Variants in COL22A1 observed in about 807,000 individuals in gnomAD.
COL22A1 encodes the protein collagen type XXII alpha 1 chain, also known as collagen alpha-1(XXII) chain.
A neutral mutation model predicts 248.9 loss-of-function variants in COL22A1; 221 were observed. The ratio of observed to expected loss-of-function variants is 0.89; its 90% CI spans 0.80 to 0.99. The LOEUF is 0.99. COL22A1 is among the 50% of genes least tolerant of loss of function. The pLI is 0.00. For missense variants in COL22A1, 2,240 were observed against 2,179.0 expected, an observed-to-expected ratio of 1.03 and a Z score of -0.56; for synonymous variants, 891 against 793.4, an observed-to-expected ratio of 1.12 and a Z score of -2.07.
At chr8:138,864,795 TA>T (rs1822737062) in intron 3 of COL22A1, among the ~76,000 whole-genome samples, 1 of 152,102 alleles carries the variant, frequency 6.6e-6, no homozygotes, top group South Asian at 2.1e-4. Context: ...CCTTCTCAGC[TA>T]GGGGGTTTCA....
chr8:138,621,615 C>T (rs774778657), intron 52 of COL22A1, among the ~76,000 whole-genome samples: 1 of 152,186 alleles, frequency 6.6e-6, no homozygotes, highest in Non-Finnish European at 1.5e-5. Context: ...CCGGGGTCAG[C>T]CTGCAGGAGT....
intron 16 of COL22A1, 48 bp downstream of exon 16, chr8:138,775,918 C>T: frequency 6.3e-7 from 1 of 1,588,810 alleles, no homozygotes; most frequent in Non-Finnish European, 8.6e-7. Context: ...CACCCTCTCC[C>T]TTTTCTATGG....
intron 1 of COL22A1, among the ~76,000 whole-genome samples, chr8:138,910,785 G>T (rs1181666406): frequency 6.6e-6 from 1 of 152,128 alleles, no homozygotes; most frequent in Non-Finnish European, 1.5e-5. Context: ...TTTGAATCCT[G>T]CTTCCTCTTT....
At chr8:138,709,866 C>T (rs1828805699) in intron 30 of COL22A1, among the ~76,000 whole-genome samples, 1 of 152,134 alleles carries the variant, frequency 6.6e-6, no homozygotes, top group African/African-American at 2.4e-5. Context: ...GCAATCATAA[C>T]TAATGTTGAT....
chr8:138,684,449 T>C lies in COL22A1; in HGVS notation c.2988A>G (p.Gly996=), dbSNP rs1587854485. Residue 996 remains glycine, a synonymous_variant, in exon 39 of 65, where the codon GGA becomes GGG. Transcript: ENST00000303045. ...DGEPGLRGSP[G]LPGPLGTKAA... is the part of the protein sequence containing the mutation. The stretch of plus-strand genomic sequence containing the variant: ...CCTTGGTTCCTAGGGGTCCAGGGAG[T>C]CCAGGTGATCCACGGAGTCCCTGGA... 1 of 1,611,020 alleles carries C rather than the reference T, an allele frequency of 6.2e-7. No individual in the cohort carries two copies. Among genetic ancestry groups the C allele is most frequent in the Non-Finnish European group, 8.5e-7 (1 of 1,177,716 alleles).
intron 7 of COL22A1, among the ~76,000 whole-genome samples, chr8:138,815,245 C>G (rs11166848): frequency 0.76 from 115,173 of 152,068 alleles, 44,318 homozygotes; most frequent in Middle Eastern, 0.87. Flanking sequence ...ATACATTGCA[C>G]AGACAGCTAA....
intron 1 of COL22A1, among the ~76,000 whole-genome samples, chr8:138,891,189 A>G (rs1326606599): frequency 1.3e-5 from 2 of 152,252 alleles, no homozygotes; most frequent in Non-Finnish European, 2.9e-5. Flanking sequence ...ACTAGTGACA[A>G]AAGTTAAAGA....
At chr8:138,793,372 G>C (rs1379461881) in intron 12 of COL22A1, among the ~76,000 whole-genome samples, 1 of 152,150 alleles carries the variant, frequency 6.6e-6, no homozygotes, top group African/African-American at 2.4e-5. Flanking sequence ...AGAGCCCTAG[G>C]GGGCAAAGGC....
chr8:138,630,612 C>A, intron 50 of COL22A1, 83 bp downstream of exon 50: 1 of 1,181,058 alleles, frequency 8.5e-7, no homozygotes, highest in Non-Finnish European at 1.3e-6. Context: ...GCACACAGGA[C>A]AAGAGCAGAA....
intron 45 of COL22A1, among the ~76,000 whole-genome samples, chr8:138,652,061 G>T (rs72727852): frequency 0.012 from 1,830 of 152,210 alleles, 19 homozygotes; most frequent in Middle Eastern, 0.037. Flanking sequence ...GTGAGCATAG[G>T]GTGAGATCAC....
intron 3 of COL22A1, among the ~76,000 whole-genome samples, chr8:138,845,670 G>A (rs1419596124): frequency 1.3e-5 from 2 of 152,162 alleles, no homozygotes; most frequent in African/African-American, 4.8e-5. Flanking sequence ...CTGTGGCTTA[G>A]AGAAGTCTCT....
In COL22A1 at chr8:138,811,908, AC is replaced by A; in HGVS notation, c.1339del (p.Val447TrpfsTer2). 1 of 1,555,154 alleles carries A rather than the reference AC, an allele frequency of 6.4e-7. No individual in the cohort carries two copies. The highest frequency in any genetic ancestry group is 8.7e-7 in the Non-Finnish European group (1 of 1,150,538). On this transcript the variant is annotated frameshift_variant, in exon 9 of 65. Transcript: ENST00000303045. LOFTEE classifies it high-confidence loss of function. Reference protein sequence around the residue: ...DIPSGPCQVTVVTEPPPPPPP... With the variant: ...DIPSGPCQVTXVTEPPPPPPP... ...GGGTGGAGGTGGAGGCTCTGTCACC[AC>A]GGTCACCTGGCACTGGAAGGAAAGC...
chr8:138,704,376 G>A (rs1564220549), intron 30 of COL22A1, among the ~76,000 whole-genome samples: 1 of 152,356 alleles, frequency 6.6e-6, no homozygotes, highest in Middle Eastern at 3.4e-3. Context: ...ACACCTCCCA[G>A]TAGGGGCCAA....
chr8:138,617,411 C>T (rs1006811072), intron 53 of COL22A1, among the ~76,000 whole-genome samples: 22 of 152,258 alleles, frequency 1.4e-4, no homozygotes, highest in African/African-American at 5.3e-4. Context: ...GCTGGTCCTA[C>T]CAACACCCCT....
At chr8:138,873,648 C>T (rs1179008311) in intron 3 of COL22A1, among the ~76,000 whole-genome samples, 1 of 152,190 alleles carries the variant, frequency 6.6e-6, no homozygotes, top group Non-Finnish European at 1.5e-5. Context: ...CCCAAGTAGA[C>T]AAGTTTCCCT....
At chr8:138,863,788 T>C (rs1055553871) in intron 3 of COL22A1, among the ~76,000 whole-genome samples, 1 of 152,180 alleles carries the variant, frequency 6.6e-6, no homozygotes, top group Admixed American at 6.5e-5. Context: ...CTAGATTCAC[T>C]TATAATAGAT....
chr8:138,843,455 G>A lies in COL22A1; in HGVS notation c.733+629C>T, dbSNP rs77064575. 9.4e-4 allele frequency among the ~76,000 whole-genome samples: 143 copies of A among 152,280 alleles called. 1 individual carries two copies. In the East Asian group the frequency reaches 0.023, roughly 25 times the overall value. On this transcript the variant is annotated intron_variant, in intron 4 of 64. Coordinates refer to ENST00000303045, the MANE Select transcript of COL22A1 (RefSeq NM_152888.3). ...TGCAGTGGCTTCCTGGTTGGGAGTT[G>A]GGAGAGAAGAAAACTTCTTTGCCAT...
At chr8:138,658,973 A>G (rs566690979) in intron 44 of COL22A1, among the ~76,000 whole-genome samples, 1 of 151,996 alleles carries the variant, frequency 6.6e-6, no homozygotes, top group East Asian at 1.9e-4. Flanking sequence ...CCACATCATC[A>G]GCTGCACTAT....
At chr8:138,818,665 C>G (rs1818868228) in intron 7 of COL22A1, among the ~76,000 whole-genome samples, 1 of 152,238 alleles carries the variant, frequency 6.6e-6, no homozygotes, top group African/African-American at 2.4e-5. Flanking sequence ...ACTCTATCTA[C>G]TTTCTGAAGT....
Sources: gnomAD v4.1 joint callset for allele counts (sites outside exome capture counted in the v4.1 genomes callset) on GRCh38, gnomAD v4.1.1 for gene constraint, MANE v1.5 for transcripts, NCBI Gene and HGNC (gene_info 2026-07-23, HGNC 2026-07-21) for gene names.